DNAH3: variants seen among roughly 807,000 people sequenced by gnomAD.
The protein encoded by DNAH3 is axonemal beta dynein heavy chain 3.
In DNAH3, 332 loss-of-function variants were observed where a neutral mutation model predicts 432.5. The observed-to-expected ratio is 0.77, with a 90% CI of 0.70 to 0.84. The LOEUF is 0.84. Among genes scored for constraint, DNAH3 ranks in the 40% least tolerant of loss-of-function variants. DNAH3 has a pLI of 0.00. For missense variants in DNAH3, 4,861 were observed against 5,114.0 expected, an observed-to-expected ratio of 0.95 and a Z score of 1.51; for synonymous variants, 1,956 against 1,900.2, an observed-to-expected ratio of 1.03 and a Z score of -0.76.
At chr16:20,982,927 C>G in intron 48 of DNAH3, 41 bp from the exon 49 acceptor site, 2 of 1,609,168 alleles carry the variant, frequency 1.2e-6, no homozygotes, top group Non-Finnish European at 1.7e-6. Flanking sequence ...TCCTCCAAGG[C>G]AGGTGGACCC....
chr16:21,036,769 T>A lies in DNAH3; in HGVS notation c.5030A>T (p.Asn1677Ile), dbSNP rs746005801. 3 of 1,613,946 alleles carry A rather than the reference T, an allele frequency of 1.9e-6. No individual in the cohort carries two copies. In the Admixed American group the frequency reaches 5.0e-5, roughly 27 times the overall value. The change falls in exon 35 of 62, where the codon AAC (asparagine) becomes ATC (isoleucine). Residue 1677 changes from asparagine to isoleucine, a missense_variant. Physicochemically the swap from Asn to Ile is moderately radical, Grantham distance 149. Coordinates refer to ENST00000261383, the Ensembl canonical transcript of DNAH3. ...TGGCTGGAGTTTCATCTTTTTGATG[T>A]TATCATTCAGCACTTTCAGAAAAAC...
intron 17 of DNAH3, among the ~76,000 whole-genome samples, 178 bp downstream of exon 17, chr16:21,098,438 C>CAAAAAAAAAAA (rs57032212): frequency 8.0e-5 from 5 of 62,874 alleles, no homozygotes; most frequent in African/African-American, 2.0e-4. Flanking sequence ...GACCTTGTCT[C>CAAAAAAAAAAA]AAAAAAAAAA....
chr16:21,034,491 T>C (rs1442772067), intron 35 of DNAH3, among the ~76,000 whole-genome samples: 7 of 152,244 alleles, frequency 4.6e-5, no homozygotes, highest in Non-Finnish European at 8.8e-5. Context: ...TTAACGCCTC[T>C]AATATTTTCA....
chr16:20,981,906 CT>C (rs1452344277), intron 49 of DNAH3, among the ~76,000 whole-genome samples: 1 of 149,838 alleles, frequency 6.7e-6, no homozygotes. Context: ...AAATAAAATG[CT>C]TTTTTTATAT....
chr16:21,052,650 T>TAG (rs766381469), intron 28 of DNAH3, among the ~76,000 whole-genome samples: 1 of 152,142 alleles, frequency 6.6e-6, no homozygotes, highest in South Asian at 2.1e-4. Context: ...CTAGACACAA[T>TAG]AGAGAGAGAA....
intron 1 of DNAH3, among the ~76,000 whole-genome samples, chr16:21,153,992 C>T (rs2092882034): frequency 6.6e-6 from 1 of 152,208 alleles, no homozygotes; most frequent in Non-Finnish European, 1.5e-5. Context: ...ATAATTGAGA[C>T]AGTGGGAGAG....
intron 52 of DNAH3, among the ~76,000 whole-genome samples, chr16:20,965,793 A>G (rs140097436): frequency 0.013 from 1,947 of 152,126 alleles, 41 homozygotes; most frequent in African/African-American, 0.044. Flanking sequence ...GCTCACTGCA[A>G]CCTTCGCCTC....
At chr16:21,085,527 CAAAAAAAA>C (rs34136946) in intron 19 of DNAH3, among the ~76,000 whole-genome samples, 3 of 81,324 alleles carry the variant, frequency 3.7e-5, no homozygotes, top group Admixed American at 2.9e-4. Context: ...GATTCCACCT[CAAAAAAAA>C]AAAAAAAAAA....
At chr16:21,066,367 T>C (rs948484895) in intron 24 of DNAH3, among the ~76,000 whole-genome samples, 2 of 151,782 alleles carry the variant, frequency 1.3e-5, no homozygotes, top group African/African-American at 4.8e-5. Flanking sequence ...AAACTAACCT[T>C]CTCCTTTTTT....
chr16:21,107,749 AACT>A (rs2091980428), intron 14 of DNAH3, among the ~76,000 whole-genome samples: 1 of 152,212 alleles, frequency 6.6e-6, no homozygotes, highest in African/African-American at 2.4e-5. Flanking sequence ...TTGGCATCTT[AACT>A]ACAATTAGAA....
At chr16:21,152,210 C>G (rs898527952) in intron 1 of DNAH3, among the ~76,000 whole-genome samples, 1 of 151,818 alleles carries the variant, frequency 6.6e-6, no homozygotes, top group Non-Finnish European at 1.5e-5. Flanking sequence ...CCAGCCTGGG[C>G]AACAAGAGCG....
chr16:20,978,275 TC>T lies in DNAH3; in HGVS notation c.8076+1054del, dbSNP rs1462353954. 2.0e-5 allele frequency among the ~76,000 whole-genome samples: 3 copies of T among 152,182 alleles called. No homozygotes were observed. The East Asian group carries it at 5.8e-4, about 29-fold the overall frequency. Reference sequence around the variant, plus strand: ...CCGGGCGGGTGGCTCATGCCTGTAATCCCAGCACTTTGGGAGGCCGAGGTGA... The same window carrying T: ...CCGGGCGGGTGGCTCATGCCTGTAATCCAGCACTTTGGGAGGCCGAGGTGA... On this transcript the variant is annotated intron_variant, in intron 50 of 61. Coordinates refer to ENST00000261383, the Ensembl canonical transcript of DNAH3.
chr16:20,969,993 G>C lies in DNAH3; in HGVS notation c.8260-3C>G. 2 of 1,613,680 alleles carry C rather than the reference G, an allele frequency of 1.2e-6. No individual in the cohort carries two copies. The highest frequency in any genetic ancestry group is 2.2e-5 in the South Asian group (2 of 91,082). On this transcript the variant is annotated splice_polypyrimidine_tract_variant and splice_region_variant and intron_variant, in intron 51 of 61. Coordinates refer to ENST00000261383, the Ensembl canonical transcript of DNAH3. ...GCTAGGTCCCCCTCACATTCGTTCT[G>C]TGGGCGGCATGAGGACAAAGGAGAT...
intron 50 of DNAH3, among the ~76,000 whole-genome samples, chr16:20,978,405 T>C (rs555416835): frequency 3.7e-4 from 56 of 152,182 alleles, no homozygotes; most frequent in Non-Finnish European, 6.5e-4. Flanking sequence ...GGCACGCACC[T>C]GTAGTACCAG....
Position 21,127,727 on chromosome 16 carries a change from G to A in DNAH3, c.1168C>T (p.Gln390Ter), listed in dbSNP as rs751886457. 19 of 1,613,994 alleles carry A rather than the reference G, an allele frequency of 1.2e-5. No homozygotes were observed. The highest frequency in any genetic ancestry group is 5.5e-5 in the South Asian group (5 of 91,092). The change falls in exon 8 of 62, where the codon CAG becomes TAG. Residue 390 changes from glutamine (Q) to a stop codon, truncating the protein, a stop_gained. Coordinates refer to ENST00000261383, the Ensembl canonical transcript of DNAH3. LOFTEE classifies it high-confidence loss of function. ...TGGTGTGCCTCCAGGCAGTGTTTCT[G>A]GATCACATCCCAAAATTCCTGAGGC...
chr16:20,994,606 C>G (rs1490613660), intron 44 of DNAH3, among the ~76,000 whole-genome samples: 1 of 152,102 alleles, frequency 6.6e-6, no homozygotes, highest in Non-Finnish European at 1.5e-5. Context: ...TTTCATCTTC[C>G]CAAACTAAAA....
chr16:20,934,847 G>T (rs2083531571), intron 61 of DNAH3, among the ~76,000 whole-genome samples: 1 of 151,920 alleles, frequency 6.6e-6, no homozygotes, highest in African/African-American at 2.4e-5. Context: ...ACTGATTTAA[G>T]ACATAGGGCA....
chr16:21,104,686 A>G (rs2091908959), intron 15 of DNAH3, 92 bp from the exon 16 acceptor site: 1 of 732,928 alleles, frequency 1.4e-6, no homozygotes, highest in Admixed American at 2.0e-5. Context: ...AGAGGTCAAC[A>G]GGAGTGGTGT....
At chr16:20,958,438 C>T (rs916438373) in intron 54 of DNAH3, among the ~76,000 whole-genome samples, 1 of 152,130 alleles carries the variant, frequency 6.6e-6, no homozygotes, top group Admixed American at 6.6e-5. Flanking sequence ...ATCTACCTTT[C>T]CAGCTACGTC....
Sources: allele counts gnomAD v4.1 joint callset (sites outside exome capture counted in the v4.1 genomes callset), GRCh38; gene constraint gnomAD v4.1.1; transcripts MANE v1.5; gene names NCBI Gene and HGNC (gene_info 2026-07-23, HGNC 2026-07-21).